Variants in PLD1 observed in about 807,000 individuals in gnomAD.
PLD1 encodes choline phosphatase 1.
Under a neutral mutation model 137.1 loss-of-function variants are expected in PLD1, and 112 were observed. That is an observed-to-expected ratio of 0.82 (90% confidence interval 0.70 to 0.96). PLD1 has a LOEUF of 0.96. PLD1 is among the 40% of genes least tolerant of loss of function. The pLI, the probability that PLD1 is intolerant of heterozygous loss-of-function variation, is 0.00. For synonymous variants in PLD1, 431 were observed against 454.7 expected, an observed-to-expected ratio of 0.95 and a Z score of 0.66; for missense variants, 1,321 against 1,342.0, an observed-to-expected ratio of 0.98 and a Z score of 0.24.
intron 23 of PLD1, among the ~76,000 whole-genome samples, chr3:171,620,796 T>C (rs1733573686): frequency 1.4e-5 from 2 of 148,000 alleles, no homozygotes; most frequent in Admixed American, 6.8e-5. Context: ...TTAATTGAAG[T>C]GTTTTCTGTC....
At chr3:171,804,366 C>A (rs1723761949) in intron 1 of PLD1, among the ~76,000 whole-genome samples, 1 of 152,134 alleles carries the variant, frequency 6.6e-6, no homozygotes, top group Admixed American at 6.5e-5. Flanking sequence ...CACCATAGAG[C>A]AAATAAATAA....
In PLD1 at chr3:171,644,900, G is replaced by C; in HGVS notation, c.2543+10C>G. Reference sequence around the variant, plus strand: ...GAAAGCTCAAAATAGACCATTTAGAGTTTTGGCACCTGTAGTTGAAGTGCA... The same window carrying C: ...GAAAGCTCAAAATAGACCATTTAGACTTTTGGCACCTGTAGTTGAAGTGCA... On this transcript the variant is annotated intron_variant, in intron 22 of 26. Transcript: ENST00000351298. 1 of 1,551,152 alleles carries C rather than the reference G, an allele frequency of 6.4e-7. No homozygotes were observed. The highest frequency in any genetic ancestry group is 8.9e-7 in the Non-Finnish European group (1 of 1,122,474).
intron 12 of PLD1, among the ~76,000 whole-genome samples, chr3:171,697,490 C>T (rs1336712990): frequency 1.3e-5 from 2 of 151,976 alleles, no homozygotes; most frequent in Non-Finnish European, 2.9e-5. Flanking sequence ...CACCGCCCTG[C>T]CCCGCACAGT....
At chr3:171,688,622 C>T in intron 14 of PLD1, 54 bp downstream of exon 14, 16 of 1,350,082 alleles carry the variant, frequency 1.2e-5, no homozygotes, top group Non-Finnish European at 1.7e-5. Context: ...CTAATACAAA[C>T]TTATACAAAT....
chr3:171,733,068 A>G (rs1719070617), intron 6 of PLD1, among the ~76,000 whole-genome samples: 1 of 152,096 alleles, frequency 6.6e-6, no homozygotes, highest in African/African-American at 2.4e-5. Context: ...ATTCAACTCC[A>G]CTCAACTGTT....
At chr3:171,781,409 A>AG (rs1313503802) in intron 1 of PLD1, among the ~76,000 whole-genome samples, 8 of 152,126 alleles carry the variant, frequency 5.3e-5, no homozygotes, top group African/African-American at 1.7e-4. Flanking sequence ...AGAAAAAAAA[A>AG]CAGACTTAGC....
At chr3:171,646,326 T>C (rs1210982623) in intron 21 of PLD1, among the ~76,000 whole-genome samples, 2 of 152,230 alleles carry the variant, frequency 1.3e-5, no homozygotes, top group African/African-American at 4.8e-5. Flanking sequence ...GTGCATTTTC[T>C]TCTAAACAAC....
chr3:171,695,528 T>C (rs1321671212), intron 12 of PLD1, among the ~76,000 whole-genome samples: 2 of 152,182 alleles, frequency 1.3e-5, no homozygotes, highest in East Asian at 1.9e-4. Context: ...TTTTGTCAAG[T>C]AGAGCAGACA....
chr3:171,674,364 T>A lies in PLD1; in HGVS notation c.2229+136A>T, dbSNP rs534545292. 1.4e-4 allele frequency: 70 copies of A among 483,642 alleles called. No homozygotes were observed. The East Asian group carries it at 2.2e-3, about 15-fold the overall frequency. 30.0% of individuals were successfully genotyped at this position (483,642 alleles called of 1,614,324 possible). On this transcript the variant is annotated intron_variant, in intron 19 of 26. Coordinates refer to ENST00000351298, the MANE Select transcript of PLD1 (RefSeq NM_002662.5). Reference sequence around the variant, plus strand: ...AACATAGGAAATATAATAACAAGTATTAAAAGATCCATTTAGTTTTGCTTT... The same window carrying A: ...AACATAGGAAATATAATAACAAGTAATAAAAGATCCATTTAGTTTTGCTTT...
chr3:171,681,794 T>C (rs910295157), intron 16 of PLD1, among the ~76,000 whole-genome samples: 1 of 152,200 alleles, frequency 6.6e-6, no homozygotes, highest in African/African-American at 2.4e-5. Flanking sequence ...ACTAGATGAA[T>C]CTTACACATC....
chr3:171,734,042 T>C (rs930287772), intron 5 of PLD1, among the ~76,000 whole-genome samples: 3 of 152,210 alleles, frequency 2.0e-5, no homozygotes, highest in African/African-American at 7.2e-5. Context: ...GAGCAACATA[T>C]GTCAATCATA....
intron 1 of PLD1, among the ~76,000 whole-genome samples, chr3:171,790,814 GACT>G (rs1297339970): frequency 6.6e-6 from 1 of 152,180 alleles, no homozygotes; most frequent in Admixed American, 6.5e-5. Context: ...GCTCCCAACG[GACT>G]ACTTCTGGAC....
rs553225407 is a variant in PLD1 at position 171,717,707 on chromosome 3, A to T, written c.759-3662T>A. Among the ~76,000 whole-genome samples, 4 of 152,192 alleles carry T rather than the reference A, an allele frequency of 2.6e-5. No homozygotes were observed. The South Asian group carries it at 8.3e-4, about 32-fold the overall frequency. ...TTTGACTTCCTCTTTTGCTATTTGG[A>T]TGCCTTTTATTTCTTTCTCTTGCCT... On this transcript the variant is annotated intron_variant, in intron 8 of 26. Transcript: ENST00000351298.
rs1384056656 is a variant in PLD1, at chr3:171,612,399, C to T, written c.2762G>A (p.Gly921Glu). ...GACAGCCATTTCACTGTCACGCTTT[C>T]CCAGCATGCTGCGGTCATTTATGTT... is the stretch of plus-strand genomic sequence containing the variant. ...SANINDRSML[G>E]KRDSEMAVIV... The change falls in exon 25 of 27, where the codon GGA becomes GAA. Residue 921 changes from glycine (G) to glutamate (E), a missense_variant. By Grantham distance (98) the Gly-to-Glu change is moderately conservative. Transcript: ENST00000351298. This position sits in a 1 kb window ranked among gnomAD's most constrained non-coding sequence, Gnocchi z 4.1. 6.2e-7 allele frequency: 1 copy of T among 1,613,972 alleles called. No individual in the cohort carries two copies. Among genetic ancestry groups the T allele is most frequent in the East Asian group, 2.2e-5 (1 of 44,886 alleles).
intron 24 of PLD1, among the ~76,000 whole-genome samples, chr3:171,615,300 T>G (rs569211891): frequency 1.3e-5 from 2 of 152,352 alleles, no homozygotes; most frequent in Admixed American, 1.3e-4. Flanking sequence ...GGTCTTTTAC[T>G]CTATAAGCAT....
At chr3:171,728,465 C>T (rs1718702706) in intron 6 of PLD1, among the ~76,000 whole-genome samples, 1 of 152,206 alleles carries the variant, frequency 6.6e-6, no homozygotes, top group Admixed American at 6.5e-5. Flanking sequence ...AAATGATTCA[C>T]AGATTGCCAG....
At chr3:171,745,964 G>A (rs921235398) in intron 1 of PLD1, among the ~76,000 whole-genome samples, 19 of 152,264 alleles carry the variant, frequency 1.2e-4, no homozygotes, top group African/African-American at 2.4e-4. Flanking sequence ...GCGTGGGCTC[G>A]GCAAGTCCCG....
chr3:171,797,445 T>G (rs1483539065), intron 1 of PLD1, among the ~76,000 whole-genome samples: 1 of 152,164 alleles, frequency 6.6e-6, no homozygotes, highest in Non-Finnish European at 1.5e-5. Flanking sequence ...AATTGCAAAT[T>G]CTCTGCCCAG....
chr3:171,718,341 G>A (rs1471704672), intron 8 of PLD1, among the ~76,000 whole-genome samples: 1 of 151,980 alleles, frequency 6.6e-6, no homozygotes, highest in Non-Finnish European at 1.5e-5. Context: ...CAAAAACAAA[G>A]ACAAAAAGCC....
Sources: allele counts gnomAD v4.1 joint callset (sites outside exome capture counted in the v4.1 genomes callset), GRCh38; gene constraint gnomAD v4.1.1; non-coding constraint Gnocchi (gnomAD v3.1); transcripts MANE v1.5; gene names NCBI Gene and HGNC (gene_info 2026-07-23, HGNC 2026-07-21).